GALNTL6: variants seen among roughly 807,000 people sequenced by gnomAD.
GALNTL6 encodes the protein polypeptide N-acetylgalactosaminyltransferase-like 6.
In GALNTL6, 46 loss-of-function variants were observed where a neutral mutation model predicts 73.7. The observed-to-expected ratio is 0.62, with a 90% CI of 0.49 to 0.80. The LOEUF (loss-of-function observed/expected upper bound fraction) is 0.80, where lower values mean the gene tolerates loss of function less well. Among genes scored for constraint, GALNTL6 ranks in the 30% least tolerant of loss-of-function variants. The pLI, the probability that GALNTL6 is intolerant of heterozygous loss-of-function variation, is 0.00. For synonymous variants in GALNTL6, 259 were observed against 263.7 expected (o/e 0.98, Z 0.17); for missense variants, 604 against 755.0 (o/e 0.80, Z 2.34).
At chr4:172,005,524 A>T (rs1740816497) in intron 2 of GALNTL6, among the ~76,000 whole-genome samples, 1 of 152,160 alleles carries the variant, frequency 6.6e-6, no homozygotes, top group Non-Finnish European at 1.5e-5. Flanking sequence ...GTTATCATTT[A>T]CTAACAAATG....
At chr4:172,474,932 G>A (rs1318276259) in intron 5 of GALNTL6, among the ~76,000 whole-genome samples, 1 of 151,904 alleles carries the variant, frequency 6.6e-6, no homozygotes, top group African/African-American at 2.4e-5. Context: ...CTTCCAAAAG[G>A]GTCTTCTGAA....
chr4:172,386,315 G>C (rs1743468506), intron 5 of GALNTL6, among the ~76,000 whole-genome samples: 1 of 152,130 alleles, frequency 6.6e-6, no homozygotes, highest in Non-Finnish European at 1.5e-5. Context: ...CAAGATCAAA[G>C]TACTGGCAGA....
rs562485683 is a variant in GALNTL6 at position 171,848,497 on chromosome 4, T to C, written c.138+33779T>C. ...CAGGCCTTGACTTTTCCTCTCTATC[T>C]ATGATATTTTTTCCCTATATAAGGC... On this transcript the variant is annotated intron_variant, in intron 2 of 12. Coordinates refer to ENST00000506823, the MANE Select transcript of GALNTL6 (RefSeq NM_001034845.3). Among the ~76,000 whole-genome samples the C allele has an allele frequency of 2.9e-4, 44 of 152,344 alleles. 1 individual carries two copies. In the South Asian group the frequency reaches 9.1e-3, roughly 32 times the overall value.
At chr4:172,532,769 A>G (rs1031220828) in intron 5 of GALNTL6, among the ~76,000 whole-genome samples, 4 of 152,112 alleles carry the variant, frequency 2.6e-5, no homozygotes, top group Admixed American at 1.3e-4. Context: ...GTATATCTCC[A>G]TGGCTTTGTT....
chr4:172,622,485 G>A (rs899743462), intron 5 of GALNTL6, among the ~76,000 whole-genome samples: 35 of 152,228 alleles, frequency 2.3e-4, no homozygotes, highest in African/African-American at 6.7e-4. Context: ...AATTATTTAC[G>A]CTAAAGAAAA....
intron 8 of GALNTL6, among the ~76,000 whole-genome samples, chr4:172,905,542 A>AG (rs1352360007): frequency 6.6e-6 from 1 of 152,172 alleles, no homozygotes; most frequent in African/African-American, 2.4e-5. Flanking sequence ...CTATCACTAC[A>AG]GAATTATTAC....
At chr4:172,236,995 C>T (rs1737266117) in intron 3 of GALNTL6, among the ~76,000 whole-genome samples, 1 of 152,170 alleles carries the variant, frequency 6.6e-6, no homozygotes, top group South Asian at 2.1e-4. Context: ...CTTTAGTTTA[C>T]TTGGGACAAT....
At chr4:171,953,237 TG>T (rs1738940846) in intron 2 of GALNTL6, among the ~76,000 whole-genome samples, 6 of 151,500 alleles carry the variant, frequency 4.0e-5, no homozygotes, top group African/African-American at 1.5e-4. Context: ...TGTGTGTGTG[TG>T]TGTGTGTGTG....
At chr4:172,041,045 G>T (rs948963366) in intron 2 of GALNTL6, among the ~76,000 whole-genome samples, 1 of 152,128 alleles carries the variant, frequency 6.6e-6, no homozygotes, top group Non-Finnish European at 1.5e-5. Context: ...ATTATTAAAA[G>T]TTCTGAGGGA....
intron 10 of GALNTL6, among the ~76,000 whole-genome samples, chr4:172,964,237 G>C (rs187636783): frequency 6.6e-6 from 1 of 152,228 alleles, no homozygotes; most frequent in African/African-American, 2.4e-5. Flanking sequence ...TATTATTTTC[G>C]CCTTCTCCTC....
At chr4:172,199,887 C>G (rs1735898936) in intron 2 of GALNTL6, among the ~76,000 whole-genome samples, 1 of 152,130 alleles carries the variant, frequency 6.6e-6, no homozygotes, top group Non-Finnish European at 1.5e-5. Flanking sequence ...ATGCAGGCAA[C>G]TAGCCATATA....
chr4:172,591,058 G>C (rs1737616916), intron 5 of GALNTL6, among the ~76,000 whole-genome samples: 2 of 152,082 alleles, frequency 1.3e-5, no homozygotes. Flanking sequence ...AACTAAACAG[G>C]ATTTTAAAAA....
intron 2 of GALNTL6, among the ~76,000 whole-genome samples, chr4:171,855,243 AC>A (rs1179481684): frequency 6.6e-6 from 1 of 152,160 alleles, no homozygotes; most frequent in Non-Finnish European, 1.5e-5. Flanking sequence ...ACTTTCACTG[AC>A]CTAAAAATCT....
chr4:172,879,140 G>T (rs1017736817), intron 7 of GALNTL6, among the ~76,000 whole-genome samples: 1 of 151,818 alleles, frequency 6.6e-6, no homozygotes, highest in African/African-American at 2.4e-5. Context: ...AAAACTGACA[G>T]AATAGCAGGA....
At chr4:172,306,276 C>A (rs1740134474) in intron 3 of GALNTL6, among the ~76,000 whole-genome samples, 1 of 152,066 alleles carries the variant, frequency 6.6e-6, no homozygotes, top group Non-Finnish European at 1.5e-5. Context: ...GTAATCCCAG[C>A]TACTCGGGAG....
At chr4:172,741,141 G>C (rs1249058973) in intron 5 of GALNTL6, among the ~76,000 whole-genome samples, 2 of 152,072 alleles carry the variant, frequency 1.3e-5, no homozygotes, top group Admixed American at 6.6e-5. Context: ...ATGGCTGCAA[G>C]AAGCCAATGG....
chr4:172,535,797 A>T (rs2110859237), intron 5 of GALNTL6, among the ~76,000 whole-genome samples: 1 of 152,352 alleles, frequency 6.6e-6, no homozygotes, highest in South Asian at 2.1e-4. Context: ...TGGAATATTC[A>T]TAGAAGGCTT....
chr4:172,706,828 G>A (rs760865923), intron 5 of GALNTL6, among the ~76,000 whole-genome samples: 1 of 152,180 alleles, frequency 6.6e-6, no homozygotes, highest in African/African-American at 2.4e-5. Context: ...TAGTGGTCAT[G>A]TACAGCCTCT....
chr4:172,638,421 A>G (rs868777481), intron 5 of GALNTL6, among the ~76,000 whole-genome samples: 2 of 152,164 alleles, frequency 1.3e-5, no homozygotes, highest in Non-Finnish European at 2.9e-5. Context: ...CAGGGGAGCT[A>G]GAATTCAAGC....
Sources: allele counts gnomAD v4.1 joint callset (sites outside exome capture counted in the v4.1 genomes callset), GRCh38; gene constraint gnomAD v4.1.1; transcripts MANE v1.5; gene names NCBI Gene and HGNC (gene_info 2026-07-23, HGNC 2026-07-21).